The following NTMT1 variants were observed in gnomAD, a reference collection of about 807,000 sequenced individuals.
The protein encoded by NTMT1 is N-terminal Xaa-Pro-Lys N-methyltransferase 1, also known as N-terminal RCC1 methyltransferase.
NTMT1 carries 8 observed loss-of-function variants against 17.5 expected under a neutral mutation model. That is an observed-to-expected ratio of 0.46 (90% CI 0.27 to 0.82). The LOEUF (loss-of-function observed/expected upper bound fraction) is 0.82, where lower values mean the gene tolerates loss of function less well. NTMT1 is among the 40% of genes least tolerant of loss of function. The probability of loss-of-function intolerance (pLI) is 0.15; values close to 1 mark genes in which losing one functional copy is unlikely to be tolerated. For missense variants in NTMT1, 221 were observed against 303.5 expected (o/e 0.73, Z 2.02); for synonymous variants, 128 against 126.8 (o/e 1.01, Z -0.06).
At chr9:129,615,355 C>T (rs779247408) in intron 1 of NTMT1, 4 of 1,030,444 alleles carry the variant, frequency 3.9e-6, no homozygotes, top group Non-Finnish European at 5.4e-6. Flanking sequence ...GGCACATCCT[C>T]TGCAGGATCA....
In NTMT1 at chr9:129,620,263, G is replaced by A. The variant is rs890684164; in HGVS notation, c.-55+11085G>A. 2.1e-4 allele frequency: 281 copies of A among 1,331,200 alleles called. No individual in the cohort carries two copies. The highest frequency in any genetic ancestry group is 2.6e-4 in the Non-Finnish European group (270 of 1,035,962). 82.5% of individuals were successfully genotyped at this position (1,331,200 alleles called of 1,614,324 possible). ...CCCGGGACGCGCCGGCCGACAGCAGGGGAGGCGGCAGCAGGGACCGCAGCA... is the reference window on the plus strand; with the variant it reads ...CCCGGGACGCGCCGGCCGACAGCAGAGGAGGCGGCAGCAGGGACCGCAGCA... On this transcript the variant is annotated intron_variant, in intron 1 of 3. Coordinates refer to the NTMT1 transcript ENST00000372486. This position sits in a 1 kb window ranked among gnomAD's most constrained non-coding sequence, Gnocchi z 5.8.
At chr9:129,631,810 C>T (rs1261910032) in intron 1 of NTMT1, among the ~76,000 whole-genome samples, 1 of 152,196 alleles carries the variant, frequency 6.6e-6, no homozygotes, top group African/African-American at 2.4e-5. Context: ...CCCTGGTCCC[C>T]GCACCCGACT....
Position 129,613,720 on chromosome 9 carries a change from T to A in NTMT1, c.-55+4542T>A. 8.0e-7 allele frequency: 1 copy of A among 1,252,322 alleles called. No homozygotes were observed. The highest frequency in any genetic ancestry group is 1.1e-6 in the Non-Finnish European group (1 of 906,318). 77.6% of individuals were successfully genotyped at this position (1,252,322 alleles called of 1,614,324 possible). A position where few individuals can be genotyped will look rare whatever the true frequency, so the allele number is the denominator to read the frequency against. On this transcript the variant is annotated intron_variant, in intron 1 of 3. Transcript: ENST00000372486. The surrounding 1 kb of genome is among the most constrained non-coding windows in gnomAD (Gnocchi z 6.2). ...CCCTGTCTCCATGGCAACCCCAGGCTCCCCAGCGCCTTCTGGCTGCCTCCA... is the reference window on the plus strand; with the variant it reads ...CCCTGTCTCCATGGCAACCCCAGGCACCCCAGCGCCTTCTGGCTGCCTCCA...
rs1830205883 is a variant in NTMT1, at chr9:129,613,763, A to C, written c.-55+4585A>C. ...TGCCTCCAGAGAAGCCTTGGGTTTTAAAACCACCTTGCGTGACCATTTCTG... is the reference window on the plus strand; with the variant it reads ...TGCCTCCAGAGAAGCCTTGGGTTTTCAAACCACCTTGCGTGACCATTTCTG... On this transcript the variant is annotated intron_variant, in intron 1 of 3. Transcript: ENST00000372486. The surrounding 1 kb of genome is among the most constrained non-coding windows in gnomAD (Gnocchi z 6.2). 6.6e-6 allele frequency among the ~76,000 whole-genome samples: 1 copy of C among 152,206 alleles called. No homozygotes were observed. The highest frequency in any genetic ancestry group is 1.5e-5 in the Non-Finnish European group (1 of 68,040).
Position 129,619,432 on chromosome 9 carries a change from A to C in NTMT1, c.-55+10254A>C, listed in dbSNP as rs1236447636. 1.3e-5 allele frequency: 12 copies of C among 927,234 alleles called. No individual in the cohort carries two copies. In the East Asian group the frequency reaches 2.9e-4, roughly 22 times the overall value. 57.4% of individuals were successfully genotyped at this position (927,234 alleles called of 1,614,324 possible). On this transcript the variant is annotated intron_variant, in intron 1 of 3. Coordinates refer to the NTMT1 transcript ENST00000372486. ...GAATGGGTAGATAGGTGGATAAATGAATACATTCATGGGCGAAAGAGGAAA... is the reference window on the plus strand; with the variant it reads ...GAATGGGTAGATAGGTGGATAAATGCATACATTCATGGGCGAAAGAGGAAA...
At chr9:129,617,367 G>A (rs956791111) in intron 1 of NTMT1, among the ~76,000 whole-genome samples, 3 of 152,180 alleles carry the variant, frequency 2.0e-5, no homozygotes, top group Non-Finnish European at 4.4e-5. Context: ...GCTGGCTGCT[G>A]GGCCAGGCAA....
intron 3 of NTMT1, chr9:129,634,912 A>C: frequency 2.5e-6 from 1 of 406,532 alleles, no homozygotes; most frequent in Admixed American, 4.1e-5. Flanking sequence ...CTCCGATCCA[A>C]GCCTGGCAGG....
chr9:129,612,422 C>G (rs771274762), intron 1 of NTMT1: 5 of 1,612,630 alleles, frequency 3.1e-6, no homozygotes, highest in Non-Finnish European at 4.2e-6. Flanking sequence ...GCTTCAGGAC[C>G]GACTGCAGCA....
chr9:129,616,285 G>T (rs1220699), intron 1 of NTMT1, among the ~76,000 whole-genome samples: 1 of 152,028 alleles, frequency 6.6e-6, no homozygotes, highest in Non-Finnish European at 1.5e-5. Flanking sequence ...GTGCCATCTC[G>T]GCTCATTGCA....
chr9:129,632,449 G>C (rs941286461), intron 1 of NTMT1, among the ~76,000 whole-genome samples: 1 of 152,222 alleles, frequency 6.6e-6, no homozygotes, highest in Non-Finnish European at 1.5e-5. Flanking sequence ...TTGAAGCCAG[G>C]ACTTGGGGCG....
upstream of NTMT1, among the ~76,000 whole-genome samples, chr9:129,624,715 T>C (rs1485610623): frequency 1.3e-4 from 20 of 152,212 alleles, no homozygotes; most frequent in Admixed American, 1.2e-3. Flanking sequence ...TTGCAACTTC[T>C]GCCTCCTAGG....
At chr9:129,622,669 A>T (rs1198042981), upstream of NTMT1, among the ~76,000 whole-genome samples, 1 of 152,064 alleles carries the variant, frequency 6.6e-6, no homozygotes. Context: ...TAAGCTAAAC[A>T]TGAGCTCATG....
chr9:129,624,586 C>A (rs2118909720), upstream of NTMT1, among the ~76,000 whole-genome samples: 1 of 152,324 alleles, frequency 6.6e-6, no homozygotes, highest in African/African-American at 2.4e-5. Flanking sequence ...CTTTAAGCAC[C>A]TTCTGTGTGC....
rs143230441 is a variant in NTMT1 at position 129,613,181 on chromosome 9, A to G, written c.-55+4003A>G. The G allele has an allele frequency of 3.6e-4, 573 of 1,613,668 alleles. No individual in the cohort carries two copies. Among genetic ancestry groups the G allele is most frequent in the Non-Finnish European group, 4.6e-4 (541 of 1,179,992 alleles). ...GGCCTCTGAGCAGCGGCCTTCTTCC[A>G]TGAACAGAAGGGCAGGCTGCTGTTC... On this transcript the variant is annotated intron_variant, in intron 1 of 3. Transcript: ENST00000372486. The surrounding 1 kb of genome is among the most constrained non-coding windows in gnomAD (Gnocchi z 6.2).
rs772687726 is a variant in NTMT1, at chr9:129,620,606, C to T, written c.-55+11428C>T. The T allele has an allele frequency of 1.5e-6, 2 of 1,309,752 alleles. No individual in the cohort carries two copies. Among genetic ancestry groups the T allele is most frequent in the Admixed American group, 3.1e-5 (1 of 32,358 alleles). The allele number at this position is 1,309,752 out of a possible 1,614,324, so 81.1% of individuals were successfully genotyped here. On this transcript the variant is annotated intron_variant, in intron 1 of 3. Coordinates refer to the NTMT1 transcript ENST00000372486. The surrounding 1 kb of genome is among the most constrained non-coding windows in gnomAD (Gnocchi z 5.8). ...CCCCGCACTCAGCTCACCGCACCCT[C>T]AGCGCGCGTGGGTGGGGGGCGCCGG... is the stretch of plus-strand genomic sequence containing the variant.
intron 1 of NTMT1, chr9:129,619,792 G>C (rs1195170566): frequency 6.2e-7 from 1 of 1,614,014 alleles, no homozygotes; most frequent in East Asian, 2.2e-5. Flanking sequence ...CCTGGGCAGT[G>C]CTCTAATACA....
chr9:129,633,324 G>A, intron 2 of NTMT1: 1 of 280,970 alleles, frequency 3.6e-6, no homozygotes, highest in Non-Finnish European at 6.6e-6. Context: ...CTCATGGCTG[G>A]CACTGGAGGC....
Position 129,613,485 on chromosome 9 carries a change from C to A in NTMT1, c.-55+4307C>A. 1 of 1,614,150 alleles carries A rather than the reference C, an allele frequency of 6.2e-7. No individual in the cohort carries two copies. Among genetic ancestry groups the A allele is most frequent in the Non-Finnish European group, 8.5e-7 (1 of 1,180,034 alleles). ...AGCTGGCCAGGGTCTCCTCCTTGGC[C>A]CCAGGGTACAGGGCTTTGGGCAAAC... is the stretch of plus-strand genomic sequence containing the variant. On this transcript the variant is annotated intron_variant, in intron 1 of 3. Transcript: ENST00000372486. The surrounding 1 kb of genome is among the most constrained non-coding windows in gnomAD (Gnocchi z 6.2).
chr9:129,634,234 TTC>T lies in NTMT1; in HGVS notation c.345_346del (p.Phe115LeufsTer73), dbSNP rs747399871. 1 of 1,614,068 alleles carries T rather than the reference TTC, an allele frequency of 6.2e-7. No homozygotes were observed. The highest frequency in any genetic ancestry group is 8.5e-7 in the Non-Finnish European group (1 of 1,179,994). On this transcript the variant is annotated frameshift_variant, in exon 3 of 4. Transcript: ENST00000372483. LOFTEE classifies it high-confidence loss of function. Reference protein sequence around the residue: ...GEEGKRVRNYFCCGLQDFTPE... With the variant: ...GEEGKRVRNYXCCGLQDFTPE... ...GGAGGGCAAGAGGGTGAGGAACTACTTCTGTTGTGGGCTCCAGGACTTCACCC... is the reference window on the plus strand; with the variant it reads ...GGAGGGCAAGAGGGTGAGGAACTACTTGTTGTGGGCTCCAGGACTTCACCC...
Sources: allele counts gnomAD v4.1 joint callset (sites outside exome capture counted in the v4.1 genomes callset), GRCh38; gene constraint gnomAD v4.1.1; non-coding constraint Gnocchi (gnomAD v3.1); transcripts MANE v1.5; gene names NCBI Gene and HGNC (gene_info 2026-07-23, HGNC 2026-07-21).